FGD4: variants seen among roughly 807,000 people sequenced by gnomAD.
FGD4 encodes the protein FYVE, RhoGEF and PH domain containing 4, also known as FYVE, RhoGEF and PH domain-containing protein 4.
FGD4 carries 42 observed loss-of-function variants against 102.0 expected under a neutral mutation model. The observed-to-expected ratio is 0.41, with a 90% confidence interval of 0.32 to 0.53. The LOEUF (loss-of-function observed/expected upper bound fraction) is 0.53. Among genes scored for constraint, FGD4 ranks in the 20% least tolerant of loss-of-function variants. The probability of loss-of-function intolerance (pLI) is 0.21; values close to 1 mark genes in which losing one functional copy is unlikely to be tolerated. For synonymous variants in FGD4, 380 were observed against 375.7 expected, an observed-to-expected ratio of 1.01 and a Z score of -0.13; for missense variants, 902 against 1,078.2, an observed-to-expected ratio of 0.84 and a Z score of 2.29.
At chr12:32,603,670 C>A (rs1187166304) in intron 7 of FGD4, among the ~76,000 whole-genome samples, 2 of 151,996 alleles carry the variant, frequency 1.3e-5, no homozygotes, top group African/African-American at 4.8e-5. Flanking sequence ...TAGGCGTGAG[C>A]CACCGCGCCT....
Position 32,633,674 on chromosome 12 carries a change from A to G in FGD4, c.2298A>G (p.Arg766=). ...SGFTDSEEKK[R]KGILEIESAE... is the part of the protein sequence containing the mutation. Reference sequence around the variant, plus strand: ...TCACAGACAGTGAAGAAAAGAAAAGAAAAGGAATTTTAGAGGTAAGAAATA... The same window carrying G: ...TCACAGACAGTGAAGAAAAGAAAAGGAAAGGAATTTTAGAGGTAAGAAATA... The change falls in exon 15 of 17, where the codon AGA becomes AGG. Residue 766 remains arginine, a synonymous_variant. Coordinates refer to ENST00000534526, the MANE Select transcript of FGD4 (RefSeq NM_001370298.3). The G allele has an allele frequency of 6.2e-7, 1 of 1,601,636 alleles. No homozygotes were observed. The highest frequency in any genetic ancestry group is 8.6e-7 in the Non-Finnish European group (1 of 1,169,136).
intron 1 of FGD4, among the ~76,000 whole-genome samples, chr12:32,563,296 G>A (rs1478036933): frequency 1.3e-5 from 2 of 149,826 alleles, no homozygotes; most frequent in African/African-American, 2.5e-5. Context: ...GGGCGGCCGG[G>A]CAGAGACGCT....
chr12:32,602,391 C>CT, intron 7 of FGD4, 74 bp downstream of exon 7: 1 of 1,563,914 alleles, frequency 6.4e-7, no homozygotes, highest in Non-Finnish European at 8.8e-7. Context: ...ATATCTAAAA[C>CT]TGAGATCTAG....
At chr12:32,600,142 G>A (rs1948274858) in intron 5 of FGD4, among the ~76,000 whole-genome samples, 1 of 152,158 alleles carries the variant, frequency 6.6e-6, no homozygotes. Context: ...ATTTTTGAAG[G>A]AATTTCACCA....
intron 5 of FGD4, chr12:32,600,260 T>C (rs1162436212): frequency 4.5e-6 from 1 of 220,818 alleles, no homozygotes; most frequent in African/African-American, 2.4e-5. Flanking sequence ...GATATTTCTT[T>C]TCTCTTATCA....
At chr12:32,475,802 T>C (rs2136532439) in intron 1 of FGD4, among the ~76,000 whole-genome samples, 1 of 152,356 alleles carries the variant, frequency 6.6e-6, no homozygotes, top group South Asian at 2.1e-4. Flanking sequence ...CTGCTAGCAC[T>C]GGATTTGATC....
intron 10 of FGD4, among the ~76,000 whole-genome samples, chr12:32,616,874 G>A (rs892670345): frequency 3.3e-5 from 5 of 152,250 alleles, no homozygotes; most frequent in African/African-American, 1.2e-4. Flanking sequence ...AAAGAACAGG[G>A]GTTTATTTTC....
At chr12:32,633,834 C>A in intron 15 of FGD4, 145 bp downstream of exon 15, 2 of 705,974 alleles carry the variant, frequency 2.8e-6, no homozygotes, top group Non-Finnish European at 4.5e-6. Context: ...CAGGCCCACG[C>A]CACCATGCCC....
intron 7 of FGD4, among the ~76,000 whole-genome samples, chr12:32,607,605 G>C (rs1235596725): frequency 6.6e-6 from 1 of 152,160 alleles, no homozygotes; most frequent in Admixed American, 6.5e-5. Context: ...CGCCTCCCAG[G>C]TTCAAGCAAT....
At chr12:32,573,296 C>T (rs1179094089) in intron 2 of FGD4, among the ~76,000 whole-genome samples, 1 of 152,156 alleles carries the variant, frequency 6.6e-6, no homozygotes, top group African/African-American at 2.4e-5. Flanking sequence ...GAGGTTTCAC[C>T]GTGTTAGCCA....
rs555954950 is a variant in FGD4 at position 32,572,909 on chromosome 12, A to G, written c.320-3357A>G. Among the ~76,000 whole-genome samples the G allele has an allele frequency of 3.3e-5, 5 of 152,342 alleles. No homozygotes were observed. In the South Asian group the frequency reaches 8.3e-4, roughly 25 times the overall value. ...CAACAGATTAGCAGAACAAAAACATACAAGAGATATAAAGGCCGTTGGCTG... is the reference window on the plus strand; with the variant it reads ...CAACAGATTAGCAGAACAAAAACATGCAAGAGATATAAAGGCCGTTGGCTG... On this transcript the variant is annotated intron_variant, in intron 2 of 16. Coordinates refer to ENST00000534526, the MANE Select transcript of FGD4 (RefSeq NM_001370298.3).
intron 1 of FGD4, among the ~76,000 whole-genome samples, chr12:32,467,834 G>A (rs2136510354): frequency 6.6e-6 from 1 of 152,166 alleles, no homozygotes; most frequent in African/African-American, 2.4e-5. Context: ...TGGCCAACGT[G>A]GTGAAACCCT....
intron 1 of FGD4, among the ~76,000 whole-genome samples, chr12:32,416,601 T>A (rs2136407218): frequency 6.6e-6 from 1 of 152,316 alleles, no homozygotes; most frequent in African/African-American, 2.4e-5. Context: ...TTTAAATGGA[T>A]GACAACACTG....
chr12:32,553,854 C>T (rs1009099158), intron 1 of FGD4, among the ~76,000 whole-genome samples: 5 of 152,058 alleles, frequency 3.3e-5, no homozygotes, highest in East Asian at 3.8e-4. Context: ...CCTGTAATTC[C>T]GTAACTTTGG....
At chr12:32,488,807 C>T (rs1469069186) in intron 1 of FGD4, among the ~76,000 whole-genome samples, 4 of 152,130 alleles carry the variant, frequency 2.6e-5, no homozygotes, top group Admixed American at 6.5e-5. Context: ...GGCGTGGTGG[C>T]GCATGCCTGT....
At chr12:32,598,681 G>A (rs1283339998) in intron 5 of FGD4, 95 bp downstream of exon 5, 11 of 1,077,212 alleles carry the variant, frequency 1.0e-5, no homozygotes, top group Non-Finnish European at 1.6e-5. Flanking sequence ...ATGAAGGAAG[G>A]GCCTGTTTTT....
At chr12:32,627,248 G>A (rs12300682) in intron 14 of FGD4, among the ~76,000 whole-genome samples, 2,149 of 151,820 alleles carry the variant, frequency 0.014, 55 homozygotes, top group African/African-American at 0.049. Flanking sequence ...TCCACCTCCC[G>A]GGTTCAAGTG....
At chr12:32,413,760 G>A (rs901781974) in intron 1 of FGD4, among the ~76,000 whole-genome samples, 1 of 152,046 alleles carries the variant, frequency 6.6e-6, no homozygotes, top group Non-Finnish European at 1.5e-5. Context: ...ACTGTACTTC[G>A]GACCATGGTC....
chr12:32,483,046 G>T (rs1943806443), intron 1 of FGD4, among the ~76,000 whole-genome samples: 1 of 152,176 alleles, frequency 6.6e-6, no homozygotes, highest in African/African-American at 2.4e-5. Flanking sequence ...GGAATATAAT[G>T]ATGGTGTTAG....
Sources: allele counts gnomAD v4.1 joint callset (sites outside exome capture counted in the v4.1 genomes callset), GRCh38; gene constraint gnomAD v4.1.1; transcripts MANE v1.5; gene names NCBI Gene and HGNC (gene_info 2026-07-23, HGNC 2026-07-21).